Variants in MYO16 observed in about 807,000 individuals in gnomAD.
MYO16 encodes unconventional myosin-XVI.
In MYO16, 94 loss-of-function variants were observed where a neutral mutation model predicts 205.3. The ratio of observed to expected loss-of-function variants is 0.46; its 90% confidence interval spans 0.39 to 0.54. The LOEUF (loss-of-function observed/expected upper bound fraction) is 0.54. Ranked by LOEUF, MYO16 falls within the 20% of genes least tolerant of loss-of-function variation. The pLI is 0.00. For missense variants in MYO16, 2,315 were observed against 2,387.5 expected, an observed-to-expected ratio of 0.97 and a Z score of 0.63; for synonymous variants, 988 against 954.0, an observed-to-expected ratio of 1.04 and a Z score of -0.66.
At chr13:108,799,082 C>T (rs1452751777) in intron 6 of MYO16, among the ~76,000 whole-genome samples, 1 of 152,118 alleles carries the variant, frequency 6.6e-6, no homozygotes, top group Non-Finnish European at 1.5e-5. Context: ...ATTTTTTTCA[C>T]CTTTATTTCA....
At chr13:108,500,224 TTTTTTTTG>T in the MYO16 span, among the ~76,000 whole-genome samples, 1 of 7,818 alleles carries the variant, frequency 1.3e-4, no homozygotes, top group African/African-American at 3.0e-4. Flanking sequence ...TTTTTTTGTT[TTTTTTTTG>T]TTTTTTTTGT....
chr13:108,986,158 T>A (rs1884626428), intron 20 of MYO16, among the ~76,000 whole-genome samples: 1 of 152,238 alleles, frequency 6.6e-6, no homozygotes. Context: ...GTCCCCATGA[T>A]TCGATTACCT....
intron 14 of MYO16, among the ~76,000 whole-genome samples, chr13:108,888,947 C>T (rs1180849918): frequency 6.6e-6 from 1 of 151,860 alleles, no homozygotes; most frequent in Non-Finnish European, 1.5e-5. Flanking sequence ...CCCAGCTACT[C>T]AGGAGGCTGA....
chr13:109,010,810 T>C (rs567181600), intron 22 of MYO16, among the ~76,000 whole-genome samples: 1 of 152,110 alleles, frequency 6.6e-6, no homozygotes, highest in Non-Finnish European at 1.5e-5. Flanking sequence ...ACACTTTACT[T>C]ACTCTTCAGT....
At chr13:108,870,321 T>A (rs1878987452) in intron 12 of MYO16, among the ~76,000 whole-genome samples, 1 of 152,086 alleles carries the variant, frequency 6.6e-6, no homozygotes, top group Non-Finnish European at 1.5e-5. Flanking sequence ...AGGGCATCTA[T>A]GTTCATGAAA....
At chr13:109,200,028 T>C (rs1333635301) in intron 34 of MYO16, among the ~76,000 whole-genome samples, 1 of 152,216 alleles carries the variant, frequency 6.6e-6, no homozygotes, top group Admixed American at 6.5e-5. Flanking sequence ...AGAAGAGTAA[T>C]TCTTGTGTTT....
chr13:109,025,445 A>C (rs1886333249), intron 23 of MYO16, among the ~76,000 whole-genome samples: 1 of 152,202 alleles, frequency 6.6e-6, no homozygotes, highest in Admixed American at 6.6e-5. Flanking sequence ...ACCATTACAG[A>C]AATATTTTAA....
chr13:109,202,016 T>C (rs544328221), intron 34 of MYO16, among the ~76,000 whole-genome samples: 38 of 152,170 alleles, frequency 2.5e-4, no homozygotes, highest in Admixed American at 7.2e-4. Flanking sequence ...ATACATATCA[T>C]ATATATGATC....
intron 16 of MYO16, among the ~76,000 whole-genome samples, chr13:108,922,659 A>C (rs1340490621): frequency 1.3e-5 from 2 of 152,194 alleles, no homozygotes; most frequent in African/African-American, 4.8e-5. Flanking sequence ...CAAACCAGAC[A>C]TACGTCGTAG....
chr13:109,128,117 G>A (rs1876354606), intron 31 of MYO16, among the ~76,000 whole-genome samples: 1 of 152,164 alleles, frequency 6.6e-6, no homozygotes, highest in African/African-American at 2.4e-5. Flanking sequence ...GACAATTACT[G>A]TTTAAATATT....
chr13:109,044,482 C>G (rs575219245), intron 23 of MYO16, among the ~76,000 whole-genome samples: 2 of 151,584 alleles, frequency 1.3e-5, no homozygotes, highest in African/African-American at 2.4e-5. Context: ...TTTGATGTAA[C>G]TGAAATGACA....
intron 4 of MYO16, among the ~76,000 whole-genome samples, chr13:108,734,455 A>G (rs749776259): frequency 1.3e-5 from 2 of 152,204 alleles, no homozygotes; most frequent in Non-Finnish European, 2.9e-5. Context: ...CATATTTTCA[A>G]CATATTTTCA....
At chr13:109,160,425 T>C (rs1372496973) in intron 32 of MYO16, among the ~76,000 whole-genome samples, 1 of 152,236 alleles carries the variant, frequency 6.6e-6, no homozygotes, top group Non-Finnish European at 1.5e-5. Context: ...CAGATCCTGA[T>C]GTGATTCAAT....
At chr13:109,069,259 CA>C (rs1829545874) in intron 27 of MYO16, among the ~76,000 whole-genome samples, 1 of 152,072 alleles carries the variant, frequency 6.6e-6, no homozygotes, top group African/African-American at 2.4e-5. Context: ...ATTGAAATCC[CA>C]AATCTGATTA....
intron 34 of MYO16, among the ~76,000 whole-genome samples, chr13:109,206,024 C>A (rs113383385): frequency 6.6e-6 from 1 of 152,196 alleles, no homozygotes. Flanking sequence ...CCTTTTGGAA[C>A]ACCTAATGCT....
intron 2 of MYO16, among the ~76,000 whole-genome samples, chr13:108,686,377 T>G (rs1022894873): frequency 1.3e-5 from 2 of 152,190 alleles, no homozygotes; most frequent in African/African-American, 2.4e-5. Context: ...TTTAAAGATA[T>G]CACACGTATT....
At chr13:108,926,300 C>T (rs911909818) in intron 16 of MYO16, among the ~76,000 whole-genome samples, 2 of 152,192 alleles carry the variant, frequency 1.3e-5, no homozygotes, top group Non-Finnish European at 2.9e-5. Flanking sequence ...ATCTCCGATT[C>T]AAAGAGTAGC....
intron 32 of MYO16, among the ~76,000 whole-genome samples, chr13:109,158,097 TTTC>T (rs1176330890): frequency 6.6e-6 from 1 of 152,148 alleles, no homozygotes; most frequent in Non-Finnish European, 1.5e-5. Context: ...CCCCTCTTCC[TTTC>T]TTCTTCATTC....
chr13:108,788,372 T>G (rs552968986), intron 5 of MYO16, among the ~76,000 whole-genome samples: 1 of 152,144 alleles, frequency 6.6e-6, no homozygotes, highest in Admixed American at 6.5e-5. Flanking sequence ...TTGATGAATA[T>G]TAGATCTCTA....
Sources: gnomAD v4.1 joint callset for allele counts (sites outside exome capture counted in the v4.1 genomes callset) on GRCh38, gnomAD v4.1.1 for gene constraint, MANE v1.5 for transcripts, NCBI Gene and HGNC (gene_info 2026-07-23, HGNC 2026-07-21) for gene names.